The following PEX14 variants were observed in gnomAD, a reference collection of about 807,000 sequenced individuals.
PEX14 encodes peroxisomal biogenesis factor 14.
Under a neutral mutation model 49.5 loss-of-function variants are expected in PEX14, and 15 were observed. That is an observed-to-expected ratio of 0.30 (90% CI 0.20 to 0.47). The LOEUF (loss-of-function observed/expected upper bound fraction) is 0.47, where lower values mean the gene tolerates loss of function less well. Among genes scored for constraint, PEX14 ranks in the 20% least tolerant of loss-of-function variants. The pLI, the probability that PEX14 is intolerant of heterozygous loss-of-function variation, is 1.00. For synonymous variants in PEX14, 210 were observed against 212.7 expected, an observed-to-expected ratio of 0.99 and a Z score of 0.11; for missense variants, 398 against 494.8, an observed-to-expected ratio of 0.80 and a Z score of 1.86.
chr1:10,508,710 G>A (rs983926151), intron 2 of PEX14, among the ~76,000 whole-genome samples: 6 of 152,328 alleles, frequency 3.9e-5, no homozygotes, highest in Middle Eastern at 6.8e-3. Context: ...CAGTCCACAC[G>A]GGGAAGCAAA....
At position 10,512,989 on chromosome 1, in the gene PEX14, G is replaced by C. The variant is rs1641911347; in HGVS notation, c.84+17668G>C. Among the ~76,000 whole-genome samples the C allele has an allele frequency of 6.6e-6, 1 of 152,246 alleles. No homozygotes were observed. The highest frequency in any genetic ancestry group is 1.9e-4 in the East Asian group (1 of 5,206). On this transcript the variant is annotated intron_variant, in intron 2 of 8. Transcript: ENST00000356607. The surrounding 1 kb of genome is among the most constrained non-coding windows in gnomAD (Gnocchi z 4.6). Reference sequence around the variant, plus strand: ...TGGGATTACAGGCGTAGGCCACCGTGCCCGGCCCTTTTCCTTCTTTTATAA... The same window carrying C: ...TGGGATTACAGGCGTAGGCCACCGTCCCCGGCCCTTTTCCTTCTTTTATAA...
chr1:10,529,062 T>G lies in PEX14; in HGVS notation c.85-7151T>G, dbSNP rs1454016902. On this transcript the variant is annotated intron_variant, in intron 2 of 8. Transcript: ENST00000356607. This position sits in a 1 kb window ranked among gnomAD's most constrained non-coding sequence, Gnocchi z 4.2. ...TTTCCTCCCCTCTTTGGGTAACTGCTTTGTTGGTTGCATCAAAAATTAGAG... is the reference window on the plus strand; with the variant it reads ...TTTCCTCCCCTCTTTGGGTAACTGCGTTGTTGGTTGCATCAAAAATTAGAG... 1.3e-5 allele frequency among the ~76,000 whole-genome samples: 2 copies of G among 152,228 alleles called. No individual in the cohort carries two copies. Among genetic ancestry groups the G allele is most frequent in the East Asian group, 1.9e-4 (1 of 5,198 alleles).
chr1:10,492,565 A>G (rs1463133803), intron 1 of PEX14, among the ~76,000 whole-genome samples: 3 of 152,202 alleles, frequency 2.0e-5, no homozygotes, highest in East Asian at 3.8e-4. Context: ...AATTTGATAT[A>G]CTTATTGTGA....
Position 10,492,549 on chromosome 1 carries a change from A to C in PEX14, c.37-2725A>C, listed in dbSNP as rs143013385. ...CCTCTTTTGCCTCAGTTTCCTCATC[A>C]GCAGTAATTTGATATACTTATTGTG... is the stretch of plus-strand genomic sequence containing the variant. On this transcript the variant is annotated intron_variant, in intron 1 of 8. Transcript: ENST00000356607. 1.2e-4 allele frequency among the ~76,000 whole-genome samples: 19 copies of C among 152,372 alleles called. 1 individual carries two copies. The highest frequency in any genetic ancestry group is 4.6e-4 in the African/African-American group (19 of 41,588).
intron 3 of PEX14, among the ~76,000 whole-genome samples, chr1:10,583,016 C>T (rs1469751909): frequency 1.3e-5 from 2 of 151,512 alleles, no homozygotes; most frequent in Admixed American, 1.3e-4. Context: ...GGATTACAGC[C>T]ATGAGCCACC....
chr1:10,540,665 A>G (rs765390250), intron 3 of PEX14, among the ~76,000 whole-genome samples: 4 of 152,150 alleles, frequency 2.6e-5, no homozygotes, highest in East Asian at 1.9e-4. Context: ...TTACTTTATA[A>G]TTAATTCTTT....
intron 5 of PEX14, among the ~76,000 whole-genome samples, chr1:10,618,999 C>T (rs898531329): frequency 2.0e-5 from 3 of 152,192 alleles, no homozygotes; most frequent in African/African-American, 4.8e-5. Context: ...TTAAGAGCGG[C>T]GGTGAGAACC....
intron 2 of PEX14, among the ~76,000 whole-genome samples, chr1:10,521,986 G>A (rs921095949): frequency 5.9e-5 from 9 of 152,140 alleles, no homozygotes; most frequent in Non-Finnish European, 1.3e-4. Flanking sequence ...CCCAGTGATC[G>A]TAGTGTTGTA....
intron 1 of PEX14, among the ~76,000 whole-genome samples, chr1:10,480,285 A>C (rs2124368866): frequency 6.7e-6 from 1 of 150,286 alleles, no homozygotes. Flanking sequence ...ATCTCGGCTC[A>C]CTGCAACCTC....
At chr1:10,593,167 T>G (rs767096392) in intron 3 of PEX14, among the ~76,000 whole-genome samples, 1 of 152,212 alleles carries the variant, frequency 6.6e-6, no homozygotes, top group Admixed American at 6.5e-5. Context: ...ATTTAATGTA[T>G]TTAAAGGATA....
chr1:10,492,254 T>A (rs1212255173), intron 1 of PEX14, among the ~76,000 whole-genome samples: 1 of 152,190 alleles, frequency 6.6e-6, no homozygotes, highest in African/African-American at 2.4e-5. Flanking sequence ...TAAGAGCAGT[T>A]CCTTGGTGGA....
At chr1:10,542,015 CT>C (rs1557835309) in intron 3 of PEX14, among the ~76,000 whole-genome samples, 1 of 152,116 alleles carries the variant, frequency 6.6e-6, no homozygotes, top group Non-Finnish European at 1.5e-5. Flanking sequence ...TTTTCTTAAA[CT>C]TGCGTGCCTG....
In PEX14 at chr1:10,514,335, C is replaced by T. The variant is rs895504774; in HGVS notation, c.84+19014C>T. On this transcript the variant is annotated intron_variant, in intron 2 of 8. Transcript: ENST00000356607. The surrounding 1 kb of genome is among the most constrained non-coding windows in gnomAD (Gnocchi z 4.4). ...GCATCTGTATGTGTGTATGTGCGAGCGCCTGTGTACGCACGTGGTCGTCAC... is the reference window on the plus strand; with the variant it reads ...GCATCTGTATGTGTGTATGTGCGAGTGCCTGTGTACGCACGTGGTCGTCAC... Among the ~76,000 whole-genome samples the T allele has an allele frequency of 6.6e-6, 1 of 152,074 alleles. No individual in the cohort carries two copies. The highest frequency in any genetic ancestry group is 2.4e-5 in the African/African-American group (1 of 41,400).
intron 1 of PEX14, among the ~76,000 whole-genome samples, chr1:10,490,633 G>T (rs990457784): frequency 6.6e-6 from 1 of 151,804 alleles, no homozygotes; most frequent in African/African-American, 2.4e-5. Context: ...TAAGGATCCT[G>T]GGCATGGATT....
At chr1:10,608,283 G>A (rs1641179068) in intron 4 of PEX14, among the ~76,000 whole-genome samples, 3 of 152,140 alleles carry the variant, frequency 2.0e-5, no homozygotes, top group South Asian at 2.1e-4. Flanking sequence ...GTCAAGGTTC[G>A]TTTCTCCCCA....
At position 10,475,022 on chromosome 1, in the gene PEX14, C is replaced by G; in HGVS notation, c.36+20C>G. ...AGCCAGGTAAGGGGAGTGGGACTGCCCCGCTGTGCGGCGGAGACCCCGGCT... is the reference window on the plus strand; with the variant it reads ...AGCCAGGTAAGGGGAGTGGGACTGCGCCGCTGTGCGGCGGAGACCCCGGCT... On this transcript the variant is annotated intron_variant, in intron 1 of 8. Coordinates refer to ENST00000356607, the MANE Select transcript of PEX14 (RefSeq NM_004565.3). 6.2e-7 allele frequency: 1 copy of G among 1,604,436 alleles called. No homozygotes were observed. Among genetic ancestry groups the G allele is most frequent in the Non-Finnish European group, 8.5e-7 (1 of 1,175,258 alleles).
intron 3 of PEX14, among the ~76,000 whole-genome samples, chr1:10,567,934 A>G (rs377429500): frequency 3.0e-4 from 45 of 152,174 alleles, no homozygotes; most frequent in African/African-American, 9.2e-4. Flanking sequence ...CCAGCCATGT[A>G]TCTTTTTCGT....
chr1:10,616,182 T>G (rs1641410361), intron 4 of PEX14, among the ~76,000 whole-genome samples: 1 of 152,022 alleles, frequency 6.6e-6, no homozygotes, highest in South Asian at 2.1e-4. Flanking sequence ...TCAGCAGCCC[T>G]GGGGGAGGGG....
rs752909373 is a variant in PEX14, at chr1:10,629,702, C to T, written c.849C>T (p.Pro283=). 13 of 1,611,368 alleles carry T rather than the reference C, an allele frequency of 8.1e-6. No homozygotes were observed. Among genetic ancestry groups the T allele is most frequent in the Middle Eastern group, 3.3e-4 (2 of 6,058 alleles). The change falls in exon 9 of 9, where the codon CCC becomes CCT. Residue 283 remains proline, a synonymous_variant. Coordinates refer to ENST00000356607, the MANE Select transcript of PEX14 (RefSeq NM_004565.3). The surrounding 1 kb of genome is among the most constrained non-coding windows in gnomAD (Gnocchi z 8.5). ...SSSPGKEGHS[P]EGSTVTYHLL... ...CGCCTGGGAAGGAGGGCCACAGCCCCGAGGGCTCCACGGTCACCTACCACT... is the reference window on the plus strand; with the variant it reads ...CGCCTGGGAAGGAGGGCCACAGCCCTGAGGGCTCCACGGTCACCTACCACT...
Sources: allele counts gnomAD v4.1 joint callset (sites outside exome capture counted in the v4.1 genomes callset), GRCh38; gene constraint gnomAD v4.1.1; non-coding constraint Gnocchi (gnomAD v3.1); transcripts MANE v1.5; gene names NCBI Gene and HGNC (gene_info 2026-07-23, HGNC 2026-07-21).